WRNIP1: variants seen among roughly 807,000 people sequenced by gnomAD.
The protein encoded by WRNIP1 is ATPase WRNIP1.
WRNIP1 carries 41 observed loss-of-function variants against 56.1 expected under a neutral mutation model. The ratio of observed to expected loss-of-function variants is 0.73; its 90% CI spans 0.57 to 0.95. The LOEUF (loss-of-function observed/expected upper bound fraction) is 0.95, where lower values mean the gene tolerates loss of function less well. WRNIP1 is among the 40% of genes least tolerant of loss of function. The probability of loss-of-function intolerance (pLI) is 0.00; values close to 1 mark genes in which losing one functional copy is unlikely to be tolerated. For synonymous variants in WRNIP1, 547 were observed against 398.1 expected (o/e 1.37, Z -4.45); for missense variants, 1,170 against 939.4 (o/e 1.25, Z -3.21).
intron 3 of WRNIP1, chr6:2,773,332 C>T (rs1765354142): frequency 1.0e-6 from 1 of 985,402 alleles, no homozygotes; most frequent in Non-Finnish European, 1.2e-6. Flanking sequence ...GGTCCACTTC[C>T]AGTGCCACGC....
chr6:2,765,869 C>G lies in WRNIP1; in HGVS notation c.247C>G (p.Pro83Ala). The G allele has an allele frequency of 6.9e-7, 1 of 1,443,434 alleles. No homozygotes were observed. The highest frequency in any genetic ancestry group is 9.1e-7 in the Non-Finnish European group (1 of 1,099,590). The allele number at this position is 1,443,434 out of a possible 1,614,324, so 89.4% of individuals were successfully genotyped here. Residue 83 changes from proline (P) to alanine (A), a missense_variant, in exon 1 of 7, where the codon CCA becomes GCA. Coordinates refer to ENST00000380773, the MANE Select transcript of WRNIP1 (RefSeq NM_020135.3). ...GTCGGAGAGCTCGGCGCTGAAGCAG[C>G]CAGCCACCCCGACGGCAGCCGAGAG... ...RLSESSALKQ[P>A]ATPTAAESSE...
rs1764893186 is a variant in WRNIP1 at position 2,765,457 on chromosome 6, C to T, written c.-166C>T. 4 of 826,304 alleles carry T rather than the reference C, an allele frequency of 4.8e-6. No homozygotes were observed. The highest frequency in any genetic ancestry group is 6.4e-6 in the Non-Finnish European group (4 of 627,306). 51.2% of individuals were successfully genotyped at this position (826,304 alleles called of 1,614,324 possible). Reference sequence around the variant, plus strand: ...GGCCGAGGGCGGGCGGACGCGGGAGCTGCGGACGTGAGGCATGAGCGGCGC... The same window carrying T: ...GGCCGAGGGCGGGCGGACGCGGGAGTTGCGGACGTGAGGCATGAGCGGCGC... On this transcript the variant is annotated 5_prime_UTR_variant, in exon 1 of 7. Transcript: ENST00000380773.
At position 2,770,313 on chromosome 6, in the gene WRNIP1, C is replaced by T; in HGVS notation, c.1208C>T (p.Ser403Phe). Residue 403 changes from serine to phenylalanine, a missense_variant, in exon 3 of 7, where the codon TCT (serine) becomes TTT (phenylalanine). By Grantham distance (155) the Ser-to-Phe change is radical (BLOSUM62 -2). Coordinates refer to ENST00000380773, the MANE Select transcript of WRNIP1 (RefSeq NM_020135.3). ...TCCCTGGGAATCCACGTCCTAGACT[C>T]TAGCCGTCCCACTGACCCTCTGAGC... ...INSLGIHVLD[S>F]SRPTDPLSHS... is the part of the protein sequence containing the mutation. 6.2e-7 allele frequency: 1 copy of T among 1,614,176 alleles called. No homozygotes were observed. Among genetic ancestry groups the T allele is most frequent in the Non-Finnish European group, 8.5e-7 (1 of 1,180,022 alleles).
intron 4 of WRNIP1, among the ~76,000 whole-genome samples, chr6:2,782,964 C>T (rs1417671537): frequency 6.6e-6 from 1 of 152,190 alleles, no homozygotes; most frequent in Non-Finnish European, 1.5e-5. Flanking sequence ...AACAGATGGG[C>T]TATAACAGCT....
chr6:2,778,459 G>A (rs960013379), intron 3 of WRNIP1, among the ~76,000 whole-genome samples: 1 of 152,222 alleles, frequency 6.6e-6, no homozygotes, highest in African/African-American at 2.4e-5. Context: ...ATCATAGTTA[G>A]ATCTTATTTA....
chr6:2,781,861 C>A (rs1293830057), intron 4 of WRNIP1, among the ~76,000 whole-genome samples: 1 of 152,172 alleles, frequency 6.6e-6, no homozygotes, highest in Non-Finnish European at 1.5e-5. Flanking sequence ...CTCGTTTTTC[C>A]CATTTTACAG....
chr6:2,781,526 A>G (rs766652472), intron 4 of WRNIP1, among the ~76,000 whole-genome samples: 4 of 152,210 alleles, frequency 2.6e-5, no homozygotes, highest in Non-Finnish European at 5.9e-5. Context: ...TTATAACTCC[A>G]GTGAGACAAA....
intron 4 of WRNIP1, among the ~76,000 whole-genome samples, chr6:2,781,472 A>C (rs1765559336): frequency 6.6e-6 from 1 of 152,210 alleles, no homozygotes; most frequent in Non-Finnish European, 1.5e-5. Context: ...GGGATAGTGG[A>C]AGCATTGCCC....
chr6:2,769,190 A>G (rs532814581), intron 2 of WRNIP1, among the ~76,000 whole-genome samples: 38 of 152,344 alleles, frequency 2.5e-4, no homozygotes, highest in African/African-American at 9.1e-4. Flanking sequence ...GTCATTGTGA[A>G]CAGTAAAATA....
intron 1 of WRNIP1, among the ~76,000 whole-genome samples, chr6:2,768,170 C>T (rs1049163068): frequency 2.6e-5 from 4 of 152,162 alleles, no homozygotes; most frequent in African/African-American, 4.8e-5. Context: ...CAGAAGTGGC[C>T]TACAGTCATC....
rs1020568833 is a variant in WRNIP1 at position 2,765,490 on chromosome 6, C to T, written c.-133C>T. 4.3e-6 allele frequency: 5 copies of T among 1,168,606 alleles called. No homozygotes were observed. Among genetic ancestry groups the T allele is most frequent in the Non-Finnish European group, 5.4e-6 (5 of 924,990 alleles). The allele number at this position is 1,168,606 out of a possible 1,614,324, so 72.4% of individuals were successfully genotyped here. ...GTGAGGCATGAGCGGCGCCCTCCTC[C>T]GGCCCGCGAGCGTCCTGCTGGTTCC... On this transcript the variant is annotated 5_prime_UTR_variant, in exon 1 of 7. Transcript: ENST00000380773.
At chr6:2,784,578 T>C (rs981722949) in intron 6 of WRNIP1, among the ~76,000 whole-genome samples, 175 bp downstream of exon 6, 2 of 152,136 alleles carry the variant, frequency 1.3e-5, no homozygotes. Flanking sequence ...AGGGAAACCT[T>C]CTGTGTCAAC....
intron 3 of WRNIP1, chr6:2,772,861 T>C: frequency 4.3e-6 from 3 of 702,840 alleles, no homozygotes; most frequent in South Asian, 1.3e-4. Context: ...TCCTTGTGCA[T>C]ATAAATCAGA....
At chr6:2,766,900 C>T (rs928473373) in intron 1 of WRNIP1, among the ~76,000 whole-genome samples, 2 of 152,112 alleles carry the variant, frequency 1.3e-5, no homozygotes, top group Non-Finnish European at 2.9e-5. Context: ...GTTGTGCTTC[C>T]TTCCTTTTCC....
At chr6:2,774,159 T>G (rs1359413837) in intron 3 of WRNIP1, 12 of 985,092 alleles carry the variant, frequency 1.2e-5, no homozygotes, top group African/African-American at 1.7e-5. Flanking sequence ...TTAAAAATTT[T>G]TTAAGTACAT....
chr6:2,779,001 T>A (rs1049272969), intron 3 of WRNIP1, among the ~76,000 whole-genome samples: 17 of 152,186 alleles, frequency 1.1e-4, no homozygotes, highest in Non-Finnish European at 2.2e-4. Context: ...AGTGTCTGTT[T>A]CACACAGACT....
intron 3 of WRNIP1, chr6:2,773,636 A>G (rs1765362374): frequency 5.1e-6 from 5 of 985,278 alleles, no homozygotes; most frequent in African/African-American, 3.5e-5. Flanking sequence ...TCCATGATTC[A>G]TGATACGAAG....
At chr6:2,776,501 C>T (rs1765433336) in intron 3 of WRNIP1, among the ~76,000 whole-genome samples, 1 of 152,200 alleles carries the variant, frequency 6.6e-6, no homozygotes, top group African/African-American at 2.4e-5. Flanking sequence ...GGCAGCACCT[C>T]CATTCCCCAT....
chr6:2,774,909 C>T (rs1033917196), intron 3 of WRNIP1, among the ~76,000 whole-genome samples: 6 of 152,144 alleles, frequency 3.9e-5, no homozygotes, highest in African/African-American at 7.2e-5. Context: ...TGATTCTCCT[C>T]GCTGTTGATA....
Sources: allele counts gnomAD v4.1 joint callset (sites outside exome capture counted in the v4.1 genomes callset), GRCh38; gene constraint gnomAD v4.1.1; transcripts MANE v1.5; gene names NCBI Gene and HGNC (gene_info 2026-07-23, HGNC 2026-07-21).